ACAD11: variants seen among roughly 807,000 people sequenced by gnomAD.
ACAD11 encodes acyl-CoA dehydrogenase family member 11, also known as acyl-Coenzyme A dehydrogenase family, member 11.
ACAD11 carries 83 observed loss-of-function variants against 102.2 expected under a neutral mutation model. The ratio of observed to expected loss-of-function variants is 0.81; its 90% CI spans 0.68 to 0.97. ACAD11 has a LOEUF of 0.97. ACAD11 is among the 50% of genes least tolerant of loss of function. The pLI, the probability that ACAD11 is intolerant of heterozygous loss-of-function variation, is 0.00. For synonymous variants in ACAD11, 324 were observed against 319.8 expected (o/e 1.01, Z -0.14); for missense variants, 901 against 951.7 (o/e 0.95, Z 0.70).
chr3:132,596,663 G>A (rs1938322012), intron 13 of ACAD11, among the ~76,000 whole-genome samples: 1 of 152,056 alleles, frequency 6.6e-6, no homozygotes, highest in African/African-American at 2.4e-5. Context: ...GGATTTTGAA[G>A]GTTCATATTC....
intron 13 of ACAD11, among the ~76,000 whole-genome samples, chr3:132,593,270 C>T (rs925648962): frequency 2.6e-5 from 4 of 151,926 alleles, no homozygotes; most frequent in Admixed American, 1.3e-4. Flanking sequence ...CAATACTTAG[C>T]TCCCTAAATT....
At chr3:132,626,243 T>C (rs527524530) in intron 9 of ACAD11, among the ~76,000 whole-genome samples, 24 of 152,296 alleles carry the variant, frequency 1.6e-4, no homozygotes, top group Admixed American at 5.9e-4. Context: ...AGTGAACTTA[T>C]TGAAACTTAA....
At chr3:132,618,800 G>A in intron 10 of ACAD11, 28 bp from the exon 11 acceptor site, 2 of 1,511,560 alleles carry the variant, frequency 1.3e-6, no homozygotes, top group African/African-American at 1.4e-5. Flanking sequence ...ATGCCAGAGT[G>A]ACCATAATTT....
At chr3:132,630,599 CGTG>C (rs753935363) in intron 6 of ACAD11, 41 bp from the exon 7 acceptor site, 3 of 1,549,300 alleles carry the variant, frequency 1.9e-6, no homozygotes, top group Admixed American at 1.9e-5. Flanking sequence ...ATTAAAATGT[CGTG>C]GTGAATATTT....
chr3:132,656,238 A>G (rs1317791328), intron 1 of ACAD11, among the ~76,000 whole-genome samples: 2 of 152,146 alleles, frequency 1.3e-5, no homozygotes, highest in African/African-American at 4.8e-5. Flanking sequence ...ATCTATAGAC[A>G]TTGTGTTGTT....
intron 1 of ACAD11, among the ~76,000 whole-genome samples, chr3:132,648,100 A>G (rs533280820): frequency 1.3e-5 from 2 of 152,318 alleles, no homozygotes; most frequent in African/African-American, 4.8e-5. Context: ...AGATCATAGT[A>G]AAGCCTCATG....
chr3:132,559,800 A>T (rs980655233), intron 19 of ACAD11, 33 bp downstream of exon 19: 1 of 1,569,320 alleles, frequency 6.4e-7, no homozygotes, highest in Non-Finnish European at 8.7e-7. Flanking sequence ...ACGCCTATCA[A>T]ACGTAGATGA....
chr3:132,587,635 C>T (rs1937897039), intron 13 of ACAD11, among the ~76,000 whole-genome samples: 1 of 152,074 alleles, frequency 6.6e-6, no homozygotes, highest in African/African-American at 2.4e-5. Flanking sequence ...TTTCCTTATT[C>T]TTCATTGGTT....
chr3:132,595,582 A>G (rs377110770), intron 13 of ACAD11, among the ~76,000 whole-genome samples: 1 of 152,300 alleles, frequency 6.6e-6, no homozygotes, highest in East Asian at 1.9e-4. Context: ...TCCAGCATCT[A>G]TAAGAAATTT....
At chr3:132,631,228 T>C in intron 6 of ACAD11, 113 bp downstream of exon 6, 1 of 526,316 alleles carries the variant, frequency 1.9e-6, no homozygotes, top group Non-Finnish European at 3.0e-6. Context: ...AAAATAGAAA[T>C]GTTTAAGAAA....
At chr3:132,630,342 A>G in intron 7 of ACAD11, 95 bp downstream of exon 7, 1 of 1,287,330 alleles carries the variant, frequency 7.8e-7, no homozygotes, top group East Asian at 2.6e-5. Context: ...CAAATGATCT[A>G]AGGATAAAGA....
At chr3:132,635,480 GC>G (rs1188979458) in intron 5 of ACAD11, among the ~76,000 whole-genome samples, 1 of 152,154 alleles carries the variant, frequency 6.6e-6, no homozygotes, top group Non-Finnish European at 1.5e-5. Flanking sequence ...CATTCTTGTA[GC>G]TTTGTGTGGA....
At chr3:132,646,594 T>C (rs1302071169) in intron 1 of ACAD11, 1 of 152,210 alleles carries the variant, frequency 6.6e-6, no homozygotes, top group East Asian at 1.9e-4. Flanking sequence ...TCTACATATA[T>C]ATCCAAGAGA....
chr3:132,641,698 GGAA>G (rs199597510), intron 4 of ACAD11, among the ~76,000 whole-genome samples: 1,784 of 116,470 alleles, frequency 0.015, 26 homozygotes, highest in African/African-American at 0.035. Flanking sequence ...AAGAGGAAGA[GGAA>G]GAAGAAGAAG....
chr3:132,573,155 C>A (rs1476020741), intron 17 of ACAD11, among the ~76,000 whole-genome samples: 4 of 152,090 alleles, frequency 2.6e-5, no homozygotes, highest in Non-Finnish European at 1.5e-5. Flanking sequence ...GTTCATCTCC[C>A]CACTTATGAG....
chr3:132,641,562 A>ATG (rs1249021213), intron 4 of ACAD11, among the ~76,000 whole-genome samples: 19 of 82,022 alleles, frequency 2.3e-4, no homozygotes, highest in Admixed American at 7.8e-4. Context: ...GATGATGATG[A>ATG]AGAAGAAGAA....
chr3:132,614,431 G>A (rs190268908), intron 11 of ACAD11, among the ~76,000 whole-genome samples: 6 of 152,092 alleles, frequency 3.9e-5, no homozygotes, highest in Admixed American at 2.0e-4. Context: ...ACTATACTAC[G>A]AGGCTACAGT....
At chr3:132,578,316 G>T (rs1937551475) in intron 15 of ACAD11, among the ~76,000 whole-genome samples, 2 of 152,106 alleles carry the variant, frequency 1.3e-5, no homozygotes. Flanking sequence ...GAAACAAATG[G>T]ATCTTTGCTT....
intron 13 of ACAD11, among the ~76,000 whole-genome samples, chr3:132,582,185 AAG>A (rs1394979868): frequency 2.6e-5 from 4 of 152,006 alleles, no homozygotes; most frequent in African/African-American, 9.7e-5. Flanking sequence ...TACGTTAAGA[AAG>A]AGCAGAGAGA....
Sources: gnomAD v4.1 joint callset for allele counts (sites outside exome capture counted in the v4.1 genomes callset) on GRCh38, gnomAD v4.1.1 for gene constraint, MANE v1.5 for transcripts, NCBI Gene and HGNC (gene_info 2026-07-23, HGNC 2026-07-21) for gene names.